The following RALGPS1 variants were observed in gnomAD, a reference collection of about 807,000 sequenced individuals.
RALGPS1 encodes the protein ras-specific guanine nucleotide-releasing factor RalGPS1.
Under a neutral mutation model 78.8 loss-of-function variants are expected in RALGPS1, and 19 were observed. The ratio of observed to expected loss-of-function variants is 0.24; its 90% confidence interval spans 0.17 to 0.35. The LOEUF is 0.35. RALGPS1 is among the 10% of genes least tolerant of loss of function. The pLI is 1.00. For missense variants in RALGPS1, 454 were observed against 688.3 expected (o/e 0.66, Z 3.81); for synonymous variants, 228 against 256.3 (o/e 0.89, Z 1.06).
At chr9:127,173,832 G>A (rs1439895326) in intron 10 of RALGPS1, among the ~76,000 whole-genome samples, 2 of 152,110 alleles carry the variant, frequency 1.3e-5, no homozygotes, top group Non-Finnish European at 2.9e-5. Flanking sequence ...GGGCAACACG[G>A]TGAAACCCCA....
intron 11 of RALGPS1, among the ~76,000 whole-genome samples, chr9:127,194,375 G>A (rs1442514763): frequency 1.3e-5 from 2 of 152,192 alleles, no homozygotes; most frequent in Non-Finnish European, 1.5e-5. Flanking sequence ...AAGTGGCTGT[G>A]TAAGAGCTCA....
chr9:126,920,647 C>T (rs542461742), intron 1 of RALGPS1, among the ~76,000 whole-genome samples: 78 of 152,248 alleles, frequency 5.1e-4, no homozygotes, highest in Admixed American at 2.6e-3. Flanking sequence ...GGCCTCCTTT[C>T]GTGGCAGAGA....
chr9:127,171,338 C>T (rs1170985600), intron 10 of RALGPS1, among the ~76,000 whole-genome samples: 1 of 151,738 alleles, frequency 6.6e-6, no homozygotes, highest in Non-Finnish European at 1.5e-5. Context: ...ATTTAAAATA[C>T]TAACTTTAAT....
chr9:127,145,834 C>G (rs1353138798), intron 8 of RALGPS1, among the ~76,000 whole-genome samples: 1 of 152,192 alleles, frequency 6.6e-6, no homozygotes. Flanking sequence ...TCTGACCTTT[C>G]GTTTCCTCAT....
intron 10 of RALGPS1, among the ~76,000 whole-genome samples, chr9:127,174,449 A>G (rs142996039): frequency 2.3e-3 from 352 of 152,284 alleles, no homozygotes; most frequent in Middle Eastern, 0.017. Flanking sequence ...CAGTTTCCTC[A>G]TCTAGAAAAT....
intron 10 of RALGPS1, among the ~76,000 whole-genome samples, chr9:127,172,428 C>T (rs766418597): frequency 1.2e-4 from 19 of 152,174 alleles, no homozygotes; most frequent in Non-Finnish European, 1.9e-4. Flanking sequence ...GGGTTCTGTA[C>T]CAGATTTCCC....
intron 4 of RALGPS1, among the ~76,000 whole-genome samples, chr9:127,006,301 A>C (rs1354616006): frequency 6.6e-6 from 1 of 152,196 alleles, no homozygotes; most frequent in Non-Finnish European, 1.5e-5. Context: ...TTTCTCAGGG[A>C]CTTAAGAAAA....
chr9:127,023,761 C>T (rs1471294501), intron 4 of RALGPS1, among the ~76,000 whole-genome samples: 8 of 152,126 alleles, frequency 5.3e-5, no homozygotes, highest in Admixed American at 3.3e-4. Flanking sequence ...CAGGGCTGGG[C>T]GCGGTGGCTC....
At chr9:127,203,170 C>T (rs192614964) in intron 14 of RALGPS1, among the ~76,000 whole-genome samples, 42 of 152,260 alleles carry the variant, frequency 2.8e-4, no homozygotes, top group Admixed American at 1.2e-3. Flanking sequence ...TGGATTGTAG[C>T]GGCGATCATG....
At chr9:127,165,524 G>A (rs539098808) in intron 8 of RALGPS1, among the ~76,000 whole-genome samples, 1 of 152,322 alleles carries the variant, frequency 6.6e-6, no homozygotes, top group African/African-American at 2.4e-5. Flanking sequence ...TATTAAGCAC[G>A]ATTGGCCAAA....
At chr9:127,214,891 C>T in intron 18 of RALGPS1, 49 bp downstream of exon 18, 1 of 1,611,216 alleles carries the variant, frequency 6.2e-7, no homozygotes, top group African/African-American at 1.3e-5. Flanking sequence ...CTCTCCCACC[C>T]TTGGAACTAA....
chr9:127,163,517 T>A (rs565956129), intron 8 of RALGPS1, among the ~76,000 whole-genome samples: 1 of 152,340 alleles, frequency 6.6e-6, no homozygotes, highest in South Asian at 2.1e-4. Context: ...AGTATTAGCA[T>A]ATGTTTCTGT....
intron 7 of RALGPS1, among the ~76,000 whole-genome samples, chr9:127,055,310 T>C (rs1219793652): frequency 6.6e-6 from 1 of 152,204 alleles, no homozygotes; most frequent in African/African-American, 2.4e-5. Context: ...CCTCAGCCTC[T>C]TGGGCTCAAG....
At chr9:127,189,802 G>A (rs753198692) in intron 11 of RALGPS1, among the ~76,000 whole-genome samples, 25 of 151,978 alleles carry the variant, frequency 1.6e-4, no homozygotes, top group Non-Finnish European at 3.1e-4. Flanking sequence ...CTAACCCAGC[G>A]AGGGGCCAGA....
intron 8 of RALGPS1, among the ~76,000 whole-genome samples, chr9:127,120,853 C>T (rs908456179): frequency 3.3e-5 from 5 of 151,884 alleles, no homozygotes; most frequent in Non-Finnish European, 5.9e-5. Context: ...GAATTCGTGT[C>T]TCTGCTCTTC....
chr9:127,009,180 G>C (rs1200991501), intron 4 of RALGPS1, among the ~76,000 whole-genome samples: 2 of 152,206 alleles, frequency 1.3e-5, no homozygotes, highest in Non-Finnish European at 2.9e-5. Context: ...TGCACTATCA[G>C]CTTTAATAGG....
chr9:127,016,522 A>C (rs192093212), intron 4 of RALGPS1: 8 of 152,270 alleles, frequency 5.3e-5, no homozygotes, highest in Admixed American at 2.0e-4. Context: ...TAAAAATATA[A>C]AATTGCCAAT....
chr9:126,976,394 C>T (rs2040643188), intron 3 of RALGPS1, among the ~76,000 whole-genome samples: 1 of 89,342 alleles, frequency 1.1e-5, no homozygotes, highest in South Asian at 5.5e-4. Flanking sequence ...CTTACACTCA[C>T]ATTCACAGTC....
At position 127,220,698 on chromosome 9, in the gene RALGPS1, T is replaced by C. The variant is rs776523642; in HGVS notation, c.*1929T>C. Reference sequence around the variant, plus strand: ...CACTTTAACCTACATTGAATCTGATTCTACCTGTTAACTTTTAAAAAGTCG... The same window carrying C: ...CACTTTAACCTACATTGAATCTGATCCTACCTGTTAACTTTTAAAAAGTCG... On this transcript the variant is annotated 3_prime_UTR_variant, in exon 19 of 19. Transcript: ENST00000259351. 2.0e-5 allele frequency: 3 copies of C among 152,246 alleles called. No individual in the cohort carries two copies. Among genetic ancestry groups the C allele is most frequent in the African/African-American group, 4.8e-5 (2 of 41,468 alleles). 9.4% of individuals were successfully genotyped at this position (152,246 alleles called of 1,614,324 possible).
Sources: gnomAD v4.1 joint callset for allele counts (sites outside exome capture counted in the v4.1 genomes callset) on GRCh38, gnomAD v4.1.1 for gene constraint, MANE v1.5 for transcripts, NCBI Gene and HGNC (gene_info 2026-07-23, HGNC 2026-07-21) for gene names.